Variants in ASIC2 observed in about 807,000 individuals in gnomAD.
The protein encoded by ASIC2 is acid-sensing ion channel 2.
Under a neutral mutation model 57.3 loss-of-function variants are expected in ASIC2, and 25 were observed. The ratio of observed to expected loss-of-function variants is 0.44; its 90% confidence interval spans 0.32 to 0.61. The LOEUF (loss-of-function observed/expected upper bound fraction) is 0.61, where lower values mean the gene tolerates loss of function less well. ASIC2 is among the 20% of genes least tolerant of loss of function. ASIC2 has a pLI of 0.06. For synonymous variants in ASIC2, 319 were observed against 307.5 expected (o/e 1.04, Z -0.39); for missense variants, 641 against 738.1 (o/e 0.87, Z 1.52).
At chr17:33,465,979 T>G (rs1197072692) in intron 1 of ASIC2, among the ~76,000 whole-genome samples, 1 of 152,208 alleles carries the variant, frequency 6.6e-6, no homozygotes, top group South Asian at 2.1e-4. Context: ...GTAGTCAGAC[T>G]TAGAAAAGAA....
chr17:33,556,588 T>C (rs754315809), intron 1 of ASIC2, among the ~76,000 whole-genome samples: 12 of 152,332 alleles, frequency 7.9e-5, no homozygotes, highest in Non-Finnish European at 1.0e-4. Flanking sequence ...TTGTGAAGCA[T>C]AATGAAATAG....
intron 1 of ASIC2, among the ~76,000 whole-genome samples, chr17:34,112,457 C>CA (rs35815808): frequency 5.4e-3 from 431 of 79,530 alleles, no homozygotes; most frequent in Middle Eastern, 9.4e-3. Context: ...CAAGACAGGC[C>CA]AAAAAAAAAA....
chr17:33,536,043 T>G (rs940303141), intron 1 of ASIC2, among the ~76,000 whole-genome samples: 4 of 152,204 alleles, frequency 2.6e-5, no homozygotes, highest in Non-Finnish European at 4.4e-5. Flanking sequence ...CGGGATTGTT[T>G]AGATTTATGG....
intron 1 of ASIC2, among the ~76,000 whole-genome samples, chr17:33,326,658 A>G (rs1907090299): frequency 6.6e-6 from 1 of 152,078 alleles, no homozygotes; most frequent in Non-Finnish European, 1.5e-5. Flanking sequence ...CAGCTCCCAG[A>G]GCTGGGGAGG....
intron 1 of ASIC2, among the ~76,000 whole-genome samples, chr17:33,639,101 C>T (rs1181627138): frequency 6.6e-6 from 1 of 151,690 alleles, no homozygotes. Flanking sequence ...GGGAGCTCAC[C>T]ATGGGGAGAC....
chr17:33,097,125 C>T (rs752621452), intron 2 of ASIC2, among the ~76,000 whole-genome samples: 6 of 152,232 alleles, frequency 3.9e-5, no homozygotes, highest in Non-Finnish European at 5.9e-5. Flanking sequence ...TGTGGCCTCG[C>T]TCAAATACTT....
intron 1 of ASIC2, among the ~76,000 whole-genome samples, chr17:33,493,641 C>A (rs1011667376): frequency 6.6e-6 from 1 of 152,106 alleles, no homozygotes; most frequent in Non-Finnish European, 1.5e-5. Flanking sequence ...CTAGGACTAG[C>A]GCTCTGTTAA....
intron 1 of ASIC2, among the ~76,000 whole-genome samples, chr17:33,413,977 G>C (rs569441073): frequency 6.6e-5 from 10 of 152,298 alleles, no homozygotes; most frequent in African/African-American, 2.4e-4. Flanking sequence ...GGGGAAGGCA[G>C]GCAAGTTGCC....
intron 1 of ASIC2, among the ~76,000 whole-genome samples, chr17:33,634,504 AC>A (rs1455162981): frequency 2.7e-5 from 4 of 147,216 alleles, no homozygotes; most frequent in African/African-American, 1.0e-4. Flanking sequence ...AGAGAGAAAA[AC>A]TTTTTTTTCT....
intron 1 of ASIC2, among the ~76,000 whole-genome samples, chr17:33,779,513 C>T (rs2142127108): frequency 6.6e-6 from 1 of 152,300 alleles, no homozygotes; most frequent in Admixed American, 6.5e-5. Context: ...GCTTTTGTCC[C>T]GTGTTCAGAA....
chr17:33,604,793 G>GTCAGGC (rs1364222843), intron 1 of ASIC2, among the ~76,000 whole-genome samples: 7 of 152,096 alleles, frequency 4.6e-5, no homozygotes, highest in Admixed American at 2.0e-4. Flanking sequence ...AGCCTTTGGT[G>GTCAGGC]TCAGGCTTTT....
At chr17:34,066,781 G>A (rs1009146071) in intron 1 of ASIC2, among the ~76,000 whole-genome samples, 4 of 152,174 alleles carry the variant, frequency 2.6e-5, no homozygotes, top group African/African-American at 9.6e-5. Flanking sequence ...ACTGCTTTGG[G>A]TGGTTGGGCA....
At chr17:33,745,909 T>C (rs1402343442) in intron 1 of ASIC2, among the ~76,000 whole-genome samples, 3 of 152,102 alleles carry the variant, frequency 2.0e-5, no homozygotes, top group Admixed American at 6.5e-5. Context: ...AAAGTATAAA[T>C]GCACGTTTCT....
intron 1 of ASIC2, among the ~76,000 whole-genome samples, chr17:33,187,919 GA>G (rs1426139056): frequency 6.2e-5 from 8 of 129,564 alleles, no homozygotes; most frequent in East Asian, 4.5e-4. Flanking sequence ...AAAAAAAAAA[GA>G]AAAAAAGAAA....
At chr17:33,718,249 T>A (rs2142081659) in intron 1 of ASIC2, among the ~76,000 whole-genome samples, 1 of 152,322 alleles carries the variant, frequency 6.6e-6, no homozygotes, top group South Asian at 2.1e-4. Flanking sequence ...CATTTTTTAT[T>A]GTTGTATTTT....
intron 1 of ASIC2, among the ~76,000 whole-genome samples, chr17:33,692,807 A>G (rs957443218): frequency 1.3e-5 from 2 of 152,188 alleles, no homozygotes; most frequent in Admixed American, 6.5e-5. Context: ...TACAACAGCT[A>G]TGACACCACT....
intron 1 of ASIC2, among the ~76,000 whole-genome samples, chr17:33,403,447 T>G (rs1910354127): frequency 6.6e-6 from 1 of 152,236 alleles, no homozygotes; most frequent in African/African-American, 2.4e-5. Context: ...AGTAATTTAC[T>G]TATGGGCAGC....
chr17:33,329,801 G>A (rs953090493), intron 1 of ASIC2, among the ~76,000 whole-genome samples: 1 of 152,082 alleles, frequency 6.6e-6, no homozygotes, highest in Non-Finnish European at 1.5e-5. Context: ...TGTTTGTGAG[G>A]ATCAGAGACA....
chr17:33,554,695 C>T (rs1784280982), intron 1 of ASIC2, among the ~76,000 whole-genome samples: 1 of 152,060 alleles, frequency 6.6e-6, no homozygotes, highest in African/African-American at 2.4e-5. Context: ...AAGGAATGGC[C>T]AACCTGGCTT....
Sources: gnomAD v4.1 joint callset for allele counts (sites outside exome capture counted in the v4.1 genomes callset) on GRCh38, gnomAD v4.1.1 for gene constraint, MANE v1.5 for transcripts, NCBI Gene and HGNC (gene_info 2026-07-23, HGNC 2026-07-21) for gene names.